NDUFA12: variants seen among roughly 807,000 people sequenced by gnomAD.
NDUFA12 encodes NADH dehydrogenase [ubiquinone] 1 alpha subcomplex subunit 12.
In NDUFA12, 17 loss-of-function variants were observed where a neutral mutation model predicts 20.3. The ratio of observed to expected loss-of-function variants is 0.84; its 90% confidence interval spans 0.57 to 1.26. NDUFA12 has a LOEUF of 1.26. Among genes scored for constraint, NDUFA12 ranks in the 50% most tolerant of loss-of-function variants. The probability of loss-of-function intolerance (pLI) is 0.00; values close to 1 mark genes in which losing one functional copy is unlikely to be tolerated. For synonymous variants in NDUFA12, 72 were observed against 63.6 expected (o/e 1.13, Z -0.63); for missense variants, 191 against 183.7 (o/e 1.04, Z -0.23).
At chr12:94,988,933 G>C (rs908642410) in intron 3 of NDUFA12, among the ~76,000 whole-genome samples, 2 of 152,086 alleles carry the variant, frequency 1.3e-5, no homozygotes, top group Non-Finnish European at 2.9e-5. Flanking sequence ...TACATGATTT[G>C]GGCCCTAGCT....
At chr12:94,998,737 C>CA (rs1329121965) in intron 2 of NDUFA12, among the ~76,000 whole-genome samples, 14 of 151,792 alleles carry the variant, frequency 9.2e-5, no homozygotes, top group Non-Finnish European at 2.1e-4. Flanking sequence ...ACACCAGCTG[C>CA]AAAAAATAAA....
intron 2 of NDUFA12, among the ~76,000 whole-genome samples, chr12:94,995,335 T>C (rs1874785711): frequency 6.6e-6 from 1 of 152,134 alleles, no homozygotes; most frequent in Non-Finnish European, 1.5e-5. Context: ...TATAATCCAG[T>C]GAGGCAGGGG....
At chr12:94,982,284 T>C (rs1442267759) in intron 3 of NDUFA12, among the ~76,000 whole-genome samples, 1 of 150,968 alleles carries the variant, frequency 6.6e-6, no homozygotes, top group African/African-American at 2.4e-5. Flanking sequence ...TCTTTTTTTT[T>C]TTTTTTTTTG....
At chr12:94,987,145 T>A (rs1186104348) in intron 3 of NDUFA12, among the ~76,000 whole-genome samples, 1 of 152,106 alleles carries the variant, frequency 6.6e-6, no homozygotes, top group Non-Finnish European at 1.5e-5. Flanking sequence ...ACAAATCAGC[T>A]GCTACTTAAT....
chr12:94,985,948 G>GATA (rs1874422025), intron 3 of NDUFA12, among the ~76,000 whole-genome samples: 1 of 151,776 alleles, frequency 6.6e-6, no homozygotes, highest in African/African-American at 2.4e-5. Context: ...AGCTGGGCAT[G>GATA]GTGGTGTGCA....
Position 95,003,670 on chromosome 12 carries a change from A to G in NDUFA12, c.11T>C (p.Val4Ala), listed in dbSNP as rs1875153937. 2.5e-6 allele frequency: 4 copies of G among 1,613,930 alleles called. No individual in the cohort carries two copies. The highest frequency in any genetic ancestry group is 3.4e-6 in the Non-Finnish European group (4 of 1,180,046). Residue 4 changes from valine (V) to alanine (A), a missense_variant, in exon 1 of 4, where the codon GTG becomes GCG. Physicochemically the swap from Val to Ala is moderately conservative, Grantham distance 64. Transcript: ENST00000327772. ...CTGCAGCCCGCGTTTCAGGACCTGC[A>G]CTAACTCCATCTTGCCTCGCTGGCC... is the stretch of plus-strand genomic sequence containing the variant. MEL[V>A]QVLKRGLQQI...
chr12:94,973,246 T>G (rs1402887226), intron 3 of NDUFA12, among the ~76,000 whole-genome samples: 1 of 152,218 alleles, frequency 6.6e-6, no homozygotes, highest in Non-Finnish European at 1.5e-5. Context: ...TGTCTAAAGA[T>G]AATTGTATCA....
chr12:94,990,315 C>T (rs1874597519), intron 3 of NDUFA12, among the ~76,000 whole-genome samples: 1 of 151,584 alleles, frequency 6.6e-6, no homozygotes, highest in East Asian at 1.9e-4. Flanking sequence ...CAGACCTTAA[C>T]GGAACCACAG....
At chr12:94,982,658 C>T (rs926042299) in intron 3 of NDUFA12, among the ~76,000 whole-genome samples, 5 of 152,246 alleles carry the variant, frequency 3.3e-5, no homozygotes, top group Non-Finnish European at 5.9e-5. Flanking sequence ...GCTGCCCTAA[C>T]TTCAAAGCTT....
chr12:94,977,759 T>C (rs926780498), intron 3 of NDUFA12, among the ~76,000 whole-genome samples: 2 of 152,128 alleles, frequency 1.3e-5, no homozygotes, highest in Non-Finnish European at 2.9e-5. Context: ...AGAAATACTA[T>C]GTGGTAGGCA....
intron 2 of NDUFA12, 48 bp from the exon 3 acceptor site, chr12:94,994,305 G>C: frequency 7.5e-7 from 1 of 1,334,006 alleles, no homozygotes; most frequent in East Asian, 2.3e-5. Flanking sequence ...TTTTTTTAAA[G>C]CATAGATGCA....
chr12:94,998,389 A>G (rs1232367670), intron 2 of NDUFA12, among the ~76,000 whole-genome samples: 1 of 152,240 alleles, frequency 6.6e-6, no homozygotes, highest in East Asian at 1.9e-4. Context: ...GAATGGGGAA[A>G]GGCTGAAAGC....
intron 2 of NDUFA12, among the ~76,000 whole-genome samples, chr12:94,998,587 G>A (rs1239031467): frequency 6.6e-6 from 1 of 152,102 alleles, no homozygotes; most frequent in Non-Finnish European, 1.5e-5. Flanking sequence ...AAAACTTAAA[G>A]ACCATCCAAA....
At chr12:94,972,121 T>C (rs1873910438) in intron 3 of NDUFA12, among the ~76,000 whole-genome samples, 1 of 152,072 alleles carries the variant, frequency 6.6e-6, no homozygotes, top group African/African-American at 2.4e-5. Context: ...AGAGATAGGA[T>C]CTCACTATGC....
intron 2 of NDUFA12, among the ~76,000 whole-genome samples, chr12:94,995,145 T>A (rs1029195546): frequency 5.3e-5 from 8 of 152,166 alleles, no homozygotes; most frequent in African/African-American, 1.9e-4. Context: ...TTTAAACCAA[T>A]AAGTAAAAGG....
At chr12:94,994,972 T>C (rs1012986624) in intron 2 of NDUFA12, among the ~76,000 whole-genome samples, 3 of 152,184 alleles carry the variant, frequency 2.0e-5, no homozygotes, top group African/African-American at 7.2e-5. Flanking sequence ...TGGATGACTA[T>C]ACCTACATCT....
chr12:94,980,743 C>T (rs1451656657), intron 3 of NDUFA12, among the ~76,000 whole-genome samples: 1 of 151,266 alleles, frequency 6.6e-6, no homozygotes, highest in Non-Finnish European at 1.5e-5. Context: ...AAGAAATGAA[C>T]AGAAAGTGCC....
intron 3 of NDUFA12, among the ~76,000 whole-genome samples, chr12:94,989,328 GTA>G (rs1229790598): frequency 6.6e-6 from 1 of 152,080 alleles, no homozygotes; most frequent in Non-Finnish European, 1.5e-5. Flanking sequence ...TTGGCACCTG[GTA>G]GGTACTAAAT....
chr12:94,984,963 C>A (rs571844977), intron 3 of NDUFA12, among the ~76,000 whole-genome samples: 3 of 103,646 alleles, frequency 2.9e-5, no homozygotes, highest in African/African-American at 4.4e-5. Flanking sequence ...GGCAACAGAG[C>A]GAGACTCTAT....
Sources: allele counts gnomAD v4.1 joint callset (sites outside exome capture counted in the v4.1 genomes callset), GRCh38; gene constraint gnomAD v4.1.1; transcripts MANE v1.5; gene names NCBI Gene and HGNC (gene_info 2026-07-23, HGNC 2026-07-21).